Variants in MARK4 observed in about 807,000 individuals in gnomAD.
MARK4 encodes MAP/microtubule affinity-regulating kinase 4.
In MARK4, 19 loss-of-function variants were observed where a neutral mutation model predicts 81.5. That is an observed-to-expected ratio of 0.23 (90% CI 0.16 to 0.34). MARK4 has a LOEUF of 0.34. Ranked by LOEUF, MARK4 falls within the 10% of genes least tolerant of loss-of-function variation. The probability of loss-of-function intolerance (pLI) is 1.00; values close to 1 mark genes in which losing one functional copy is unlikely to be tolerated. For missense variants in MARK4, 772 were observed against 1,058.8 expected, an observed-to-expected ratio of 0.73 and a Z score of 3.76; for synonymous variants, 436 against 439.0, an observed-to-expected ratio of 0.99 and a Z score of 0.08.
At chr19:45,285,646 A>G (rs1970733490) in intron 12 of MARK4, among the ~76,000 whole-genome samples, 1 of 148,658 alleles carries the variant, frequency 6.7e-6, no homozygotes, top group South Asian at 2.1e-4. Context: ...CTTTGGTATC[A>G]TATGGTTAGA....
intron 7 of MARK4, 151 bp downstream of exon 7, chr19:45,266,432 G>T: frequency 4.1e-6 from 3 of 732,760 alleles, no homozygotes; most frequent in South Asian, 1.6e-5. Flanking sequence ...GCACCCCCTT[G>T]ACCCTTTCCC....
Position 45,301,749 on chromosome 19 carries a change from C to G in MARK4, c.1923-625C>G, listed in dbSNP as rs150759761. ...GCGTGGTGGCGCGTGCCTGTAATCC[C>G]AACTACTCAGGAGGCTATGGCAGGA... On this transcript the variant is annotated intron_variant, in intron 16 of 16. Coordinates refer to ENST00000262891, the MANE Select transcript of MARK4 (RefSeq NM_001199867.2). 6.4e-3 allele frequency among the ~76,000 whole-genome samples: 967 copies of G among 151,244 alleles called. 6 individuals are homozygous for G. Among genetic ancestry groups the G allele is most frequent in the African/African-American group, 0.022 (925 of 41,212 alleles).
At chr19:45,290,272 G>A (rs1970804504) in intron 13 of MARK4, among the ~76,000 whole-genome samples, 1 of 152,262 alleles carries the variant, frequency 6.6e-6, no homozygotes, top group Non-Finnish European at 1.5e-5. Context: ...CTGTTTGCGA[G>A]GTAGGGGTGT....
At chr19:45,287,147 T>A (rs570467914) in intron 12 of MARK4, among the ~76,000 whole-genome samples, 1 of 142,572 alleles carries the variant, frequency 7.0e-6, no homozygotes, top group South Asian at 2.2e-4. Flanking sequence ...GAGGTTGCAG[T>A]GAGCGGAGAT....
rs1043795684 is a variant in MARK4 at position 45,304,173 on chromosome 19, CAAGT to C, written c.*1467_*1470del. 1 of 152,248 alleles carries C rather than the reference CAAGT, an allele frequency of 6.6e-6. No homozygotes were observed. Among genetic ancestry groups the C allele is most frequent in the Non-Finnish European group, 1.5e-5 (1 of 68,052 alleles). The allele number at this position is 152,248 out of a possible 1,614,324, so 9.4% of individuals were successfully genotyped here. A position where few individuals can be genotyped will look rare whatever the true frequency, so the allele number is the denominator to read the frequency against. ...TAAGTTGAATTCTAGTAATTTTTAT[CAAGT>C]AAGGGCTCCTTTCCTGGTGGCACAG... On this transcript the variant is annotated 3_prime_UTR_variant, in exon 17 of 17. Transcript: ENST00000262891.
chr19:45,302,505 G>T lies in MARK4; in HGVS notation c.2054G>T (p.Arg685Leu). The T allele has an allele frequency of 1.2e-6, 2 of 1,601,816 alleles. No individual in the cohort carries two copies. The highest frequency in any genetic ancestry group is 1.1e-5 in the South Asian group (1 of 90,976). ...AALRQATAAA[R>L]CRCRQPQPFL... ...CTGCGCCAGGCCACAGCAGCCGCCC[G>T]CTGCCGCTGCCGCCAGCCACAGCCG... is the stretch of plus-strand genomic sequence containing the variant. The change falls in exon 17 of 17, where the codon CGC becomes CTC. Residue 685 changes from arginine to leucine, a missense_variant. Transcript: ENST00000262891. The surrounding 1 kb of genome is among the most constrained non-coding windows in gnomAD (Gnocchi z 4.9).
At chr19:45,257,669 C>A (rs1970325534) in intron 1 of MARK4, among the ~76,000 whole-genome samples, 1 of 149,608 alleles carries the variant, frequency 6.7e-6, no homozygotes, top group Admixed American at 6.7e-5. Context: ...AGGCGTGAGC[C>A]ACCTCGCCTG....
chr19:45,287,633 C>G lies in MARK4; in HGVS notation c.1463C>G (p.Pro488Arg). The G allele has an allele frequency of 6.3e-7, 1 of 1,597,848 alleles. No homozygotes were observed. The highest frequency in any genetic ancestry group is 8.6e-7 in the Non-Finnish European group (1 of 1,169,066). ...SAHNPNKAEI[P>R]ERRKDSTSTP... ...CACAACCCCAACAAGGCAGAGATCC[C>G]AGAGCGGCGGAAGGACAGCACGAGC... Residue 488 changes from proline (P) to arginine (R), a missense_variant, in exon 13 of 17, where the codon CCA becomes CGA. Around this residue, in one of 3 missense-constraint regions of MARK4, gnomAD observed 548 missense variants for 624.3 expected, o/e 0.88. Transcript: ENST00000262891.
chr19:45,253,232 T>C (rs1048757041), intron 1 of MARK4, among the ~76,000 whole-genome samples: 1 of 148,340 alleles, frequency 6.7e-6, no homozygotes, highest in African/African-American at 2.5e-5. Context: ...TGTCCCTTCC[T>C]CATCTTGCAG....
chr19:45,266,783 A>G (rs1394221696), intron 7 of MARK4, among the ~76,000 whole-genome samples: 1 of 134,366 alleles, frequency 7.4e-6, no homozygotes, highest in Non-Finnish European at 1.5e-5. Context: ...CCCTGGCTGG[A>G]GTGAAGTGGC....
intron 1 of MARK4, among the ~76,000 whole-genome samples, chr19:45,253,262 C>G (rs1309128244): frequency 6.6e-6 from 1 of 151,934 alleles, no homozygotes; most frequent in African/African-American, 2.4e-5. Flanking sequence ...TCACAGAGAC[C>G]ACCCCGCATC....
intron 1 of MARK4, among the ~76,000 whole-genome samples, chr19:45,252,237 G>A (rs1970253382): frequency 6.6e-6 from 1 of 152,020 alleles, no homozygotes; most frequent in South Asian, 2.1e-4. Flanking sequence ...CCCTTTTCTG[G>A]CTTCTTCAAG....
intron 15 of MARK4, chr19:45,298,236 A>G (rs376158755): frequency 1.2e-6 from 2 of 1,613,644 alleles, no homozygotes; most frequent in Non-Finnish European, 1.7e-6. Context: ...AGTCCCGTCC[A>G]TGCCCTGTTC....
intron 16 of MARK4, among the ~76,000 whole-genome samples, chr19:45,301,848 A>G (rs1970978020): frequency 6.8e-6 from 1 of 147,070 alleles, no homozygotes; most frequent in African/African-American, 2.5e-5. Flanking sequence ...CTGGGTAACA[A>G]GAGCAAAACT....
chr19:45,281,444 T>C (rs533891660), intron 12 of MARK4, among the ~76,000 whole-genome samples: 1 of 150,620 alleles, frequency 6.6e-6, no homozygotes, highest in African/African-American at 2.5e-5. Flanking sequence ...CACTGCAACC[T>C]CCACCTCTTG....
chr19:45,294,611 C>T (rs1158627478), intron 14 of MARK4, among the ~76,000 whole-genome samples, 159 bp downstream of exon 14: 1 of 152,142 alleles, frequency 6.6e-6, no homozygotes, highest in African/African-American at 2.4e-5. Context: ...CATGTACCCC[C>T]CTGAAAATCC....
Position 45,299,761 on chromosome 19 carries a change from T to G in MARK4, c.1878-50T>G, listed in dbSNP as rs759771613. 1.1e-5 allele frequency: 17 copies of G among 1,514,012 alleles called. No homozygotes were observed. The South Asian group carries it at 2.1e-4, about 19-fold the overall frequency. 93.8% of individuals were successfully genotyped at this position (1,514,012 alleles called of 1,614,324 possible). A position where few individuals can be genotyped will look rare whatever the true frequency, so the allele number is the denominator to read the frequency against. On this transcript the variant is annotated intron_variant, in intron 15 of 16. Transcript: ENST00000262891. ...CCCAGAGGCAGTGGGTTGCGGGAGG[T>G]GGGTTCCCTATGTCCAGATTAGACA...
At chr19:45,258,457 C>G (rs1010678570) in intron 1 of MARK4, among the ~76,000 whole-genome samples, 7 of 151,876 alleles carry the variant, frequency 4.6e-5, no homozygotes, top group African/African-American at 1.5e-4. Context: ...CATCTGTAAT[C>G]CGTACAGCCG....
intron 2 of MARK4, among the ~76,000 whole-genome samples, chr19:45,261,537 G>GCTCT (rs1970380683): frequency 6.6e-6 from 1 of 152,172 alleles, no homozygotes; most frequent in Non-Finnish European, 1.5e-5. Flanking sequence ...AAGCTAAGGG[G>GCTCT]CTCTCTCTTC....
Sources: gnomAD v4.1 joint callset for allele counts (sites outside exome capture counted in the v4.1 genomes callset) on GRCh38, gnomAD v4.1.1 for gene constraint, gnomAD v4.1.1 regional missense constraint, Gnocchi (gnomAD v3.1) non-coding constraint, MANE v1.5 for transcripts, NCBI Gene and HGNC (gene_info 2026-07-23, HGNC 2026-07-21) for gene names.